Variants in CD28 observed in about 807,000 individuals in gnomAD.
CD28 encodes T-cell-specific surface glycoprotein CD28.
A neutral mutation model predicts 21.4 loss-of-function variants in CD28; 8 were observed. The observed-to-expected ratio is 0.37, with a 90% CI of 0.22 to 0.68. The LOEUF is 0.68. CD28 is among the 30% of genes least tolerant of loss of function. The pLI is 0.55. For synonymous variants in CD28, 106 were observed against 104.0 expected (o/e 1.02, Z -0.12); for missense variants, 239 against 272.2 (o/e 0.88, Z 0.86).
At chr2:203,722,227 GA>G (rs1335624105) in intron 1 of CD28, among the ~76,000 whole-genome samples, 4 of 152,264 alleles carry the variant, frequency 2.6e-5, no homozygotes, top group East Asian at 3.9e-4. Context: ...CTCTGAAAAG[GA>G]GGAGAGATGC....
chr2:203,724,211 T>C (rs923109712), intron 1 of CD28, among the ~76,000 whole-genome samples: 10 of 152,160 alleles, frequency 6.6e-5, no homozygotes, highest in African/African-American at 2.4e-4. Context: ...GATCAGTGGT[T>C]TCCAGGGATT....
At chr2:203,722,922 A>G (rs1277390733) in intron 1 of CD28, among the ~76,000 whole-genome samples, 2 of 152,214 alleles carry the variant, frequency 1.3e-5, no homozygotes, top group Non-Finnish European at 1.5e-5. Context: ...ATTTGAGGAT[A>G]AGAAGTTAGT....
intron 3 of CD28, among the ~76,000 whole-genome samples, chr2:203,733,044 G>A (rs1395985679): frequency 1.3e-5 from 2 of 152,180 alleles, no homozygotes; most frequent in African/African-American, 4.8e-5. Context: ...CCTCAGGGTT[G>A]GAGTAAGTAC....
chr2:203,710,160 A>G (rs1693271526), intron 1 of CD28, among the ~76,000 whole-genome samples: 1 of 152,226 alleles, frequency 6.6e-6, no homozygotes, highest in African/African-American at 2.4e-5. Flanking sequence ...AGATTGCCGT[A>G]TTTACATGAC....
intron 1 of CD28, among the ~76,000 whole-genome samples, chr2:203,720,473 G>T (rs1036801503): frequency 3.9e-5 from 6 of 152,290 alleles, no homozygotes; most frequent in African/African-American, 1.4e-4. Context: ...TATTCACAGG[G>T]AAAGGGCTGG....
intron 1 of CD28, among the ~76,000 whole-genome samples, chr2:203,706,955 TAAGCTATTAGTTTCTC>T (rs1693173434): frequency 6.6e-6 from 1 of 152,122 alleles, no homozygotes; most frequent in African/African-American, 2.4e-5. Context: ...ATAAATTTTC[TAAGCTATTAGTTTCTC>T]TAGCTATTAG....
At chr2:203,718,580 C>T (rs1693524615) in intron 1 of CD28, among the ~76,000 whole-genome samples, 1 of 152,138 alleles carries the variant, frequency 6.6e-6, no homozygotes, top group Non-Finnish European at 1.5e-5. Context: ...CCTGATTTTT[C>T]AACTGCAAAA....
intron 1 of CD28, among the ~76,000 whole-genome samples, chr2:203,710,306 G>A (rs1008096104): frequency 6.6e-6 from 1 of 152,200 alleles, no homozygotes; most frequent in African/African-American, 2.4e-5. Context: ...CCGTGCCCTA[G>A]TTAACACATT....
chr2:203,712,541 C>T (rs1333775824), intron 1 of CD28, among the ~76,000 whole-genome samples: 1 of 152,188 alleles, frequency 6.6e-6, no homozygotes, highest in African/African-American at 2.4e-5. Flanking sequence ...TGTATTGACA[C>T]ATTTATTTTC....
Position 203,736,894 on chromosome 2 carries a change from G to A in CD28, c.*1982G>A, listed in dbSNP as rs187543482. 1.3e-5 allele frequency: 2 copies of A among 152,262 alleles called. No homozygotes were observed. The highest frequency in any genetic ancestry group is 2.4e-5 in the African/African-American group (1 of 41,548). The allele number at this position is 152,262 out of a possible 1,614,324, so 9.4% of individuals were successfully genotyped here. On this transcript the variant is annotated 3_prime_UTR_variant, in exon 4 of 4. Transcript: ENST00000324106. ...ATCCCTGACATTTAGTAGCATGCCC[G>A]ACATACAATGTTAGCTATTGGTATT...
chr2:203,717,793 AC>A (rs1230013364), intron 1 of CD28, among the ~76,000 whole-genome samples: 1 of 152,116 alleles, frequency 6.6e-6, no homozygotes, highest in African/African-American at 2.4e-5. Context: ...GATCCAGAGG[AC>A]CACTGTATAT....
intron 1 of CD28, among the ~76,000 whole-genome samples, chr2:203,721,770 C>A (rs1358658535): frequency 1.3e-5 from 2 of 152,142 alleles, no homozygotes; most frequent in Non-Finnish European, 2.9e-5. Context: ...TATCTTTCTT[C>A]CCCATCAGAT....
intron 1 of CD28, among the ~76,000 whole-genome samples, chr2:203,714,735 C>G (rs1693420188): frequency 6.6e-6 from 1 of 152,136 alleles, no homozygotes; most frequent in South Asian, 2.1e-4. Flanking sequence ...AGCTCAACTA[C>G]CCCATCCCCT....
chr2:203,729,887 C>T (rs1238838088), intron 3 of CD28, 115 bp downstream of exon 3: 1 of 1,068,254 alleles, frequency 9.4e-7, no homozygotes, highest in East Asian at 2.4e-5. Flanking sequence ...TGATGATTTT[C>T]TTTTCCCCAT....
Position 203,729,662 on chromosome 2 carries a change from C to T in CD28, c.424C>T (p.Pro142Ser). ...TTGTTTTTCAGGGAAACACCTTTGT[C>T]CAAGTCCCCTATTTCCCGGACCTTC... ...IIHVKGKHLC[P>S]SPLFPGPSKP... The change falls in exon 3 of 4, where the codon CCA (proline) becomes TCA (serine). Residue 142 changes from proline to serine, a missense_variant. Around this residue, in one of 3 missense-constraint regions of CD28, gnomAD observed 112 missense variants for 112.8 expected, o/e 0.99. Transcript: ENST00000324106. The T allele has an allele frequency of 3.7e-6, 6 of 1,613,976 alleles. No homozygotes were observed. The highest frequency in any genetic ancestry group is 5.1e-6 in the Non-Finnish European group (6 of 1,179,874).
intron 1 of CD28, among the ~76,000 whole-genome samples, chr2:203,717,281 G>T (rs1559552016): frequency 2.0e-5 from 3 of 152,168 alleles, no homozygotes; most frequent in Non-Finnish European, 4.4e-5. Context: ...TAATGTGCTT[G>T]GTATAACTGA....
chr2:203,728,166 A>C (rs1337767526), intron 2 of CD28, among the ~76,000 whole-genome samples: 1 of 152,250 alleles, frequency 6.6e-6, no homozygotes, highest in Non-Finnish European at 1.5e-5. Context: ...ACCGGGGGAC[A>C]TAAAATTTGC....
At chr2:203,724,036 A>T (rs1693677505) in intron 1 of CD28, among the ~76,000 whole-genome samples, 1 of 152,226 alleles carries the variant, frequency 6.6e-6, no homozygotes, top group African/African-American at 2.4e-5. Context: ...TTTGGCCATG[A>T]AGAGTGAAGT....
rs1453111897 is a variant in CD28, at chr2:203,736,329, G to A, written c.*1417G>A. The A allele has an allele frequency of 6.5e-6, 1 of 152,686 alleles. No homozygotes were observed. Among genetic ancestry groups the A allele is most frequent in the East Asian group, 1.9e-4 (1 of 5,192 alleles). The allele number at this position is 152,686 out of a possible 1,614,324, so 9.5% of individuals were successfully genotyped here. A position where few individuals can be genotyped will look rare whatever the true frequency, so the allele number is the denominator to read the frequency against. On this transcript the variant is annotated 3_prime_UTR_variant, in exon 4 of 4. Coordinates refer to ENST00000324106, the MANE Select transcript of CD28 (RefSeq NM_006139.4). ...AATGAAATTCTTGCCATGTGCTGAG[G>A]AGATAGCCAGCATTAGGTGACAATC...
Sources: gnomAD v4.1 joint callset for allele counts (sites outside exome capture counted in the v4.1 genomes callset) on GRCh38, gnomAD v4.1.1 for gene constraint, gnomAD v4.1.1 regional missense constraint, MANE v1.5 for transcripts, NCBI Gene and HGNC (gene_info 2026-07-23, HGNC 2026-07-21) for gene names.